NRXN1: variants seen among roughly 807,000 people sequenced by gnomAD.
The protein encoded by NRXN1 is neurexin 1, also known as neurexin-1.
In NRXN1, 39 loss-of-function variants were observed where a neutral mutation model predicts 150.9. The ratio of observed to expected loss-of-function variants is 0.26; its 90% CI spans 0.20 to 0.34. The LOEUF (loss-of-function observed/expected upper bound fraction) is 0.34. Among genes scored for constraint, NRXN1 ranks in the 10% least tolerant of loss-of-function variants. NRXN1 has a pLI of 1.00. For synonymous variants in NRXN1, 924 were observed against 757.0 expected (o/e 1.22, Z -3.62); for missense variants, 1,815 against 1,949.9 (o/e 0.93, Z 1.30).
chr2:50,722,694 T>G (rs1386198153), intron 5 of NRXN1, among the ~76,000 whole-genome samples: 2 of 152,334 alleles, frequency 1.3e-5, no homozygotes, highest in South Asian at 2.1e-4. Flanking sequence ...CTTTTGTAAT[T>G]AGAAAAACAT....
At chr2:50,100,470 G>T (rs1700838799) in intron 18 of NRXN1, among the ~76,000 whole-genome samples, 1 of 152,040 alleles carries the variant, frequency 6.6e-6, no homozygotes, top group Non-Finnish European at 1.5e-5. Flanking sequence ...CTGGCTGCTG[G>T]ATCTTTGAAT....
chr2:50,098,613 G>A (rs1193043627), intron 18 of NRXN1, among the ~76,000 whole-genome samples: 1 of 152,088 alleles, frequency 6.6e-6, no homozygotes, highest in African/African-American at 2.4e-5. Context: ...AAAGGTAAGT[G>A]CCATTGTCTC....
chr2:50,700,467 T>C (rs991105683), intron 5 of NRXN1, among the ~76,000 whole-genome samples: 1 of 152,160 alleles, frequency 6.6e-6, no homozygotes, highest in African/African-American at 2.4e-5. Context: ...ATTTTAAAAA[T>C]AAGATAAAAG....
intron 18 of NRXN1, among the ~76,000 whole-genome samples, chr2:50,186,851 G>A (rs1027807732): frequency 6.6e-6 from 1 of 151,846 alleles, no homozygotes; most frequent in Non-Finnish European, 1.5e-5. Flanking sequence ...ATTTCAAAAT[G>A]ACTCAACCCA....
chr2:50,776,060 T>A (rs572227518), intron 5 of NRXN1, among the ~76,000 whole-genome samples: 1 of 152,250 alleles, frequency 6.6e-6, no homozygotes, highest in East Asian at 1.9e-4. Flanking sequence ...TTTAAAATCA[T>A]TCTATGAACA....
At chr2:50,115,240 T>TATATATATATATATATATATAC (rs1270800103) in intron 18 of NRXN1, among the ~76,000 whole-genome samples, 19 of 133,974 alleles carry the variant, frequency 1.4e-4, no homozygotes, top group African/African-American at 5.1e-4. Context: ...TATATATATA[T>TATATATATATATATATATATAC]ACACACACAC....
At chr2:50,301,630 C>G (rs1324059725) in intron 17 of NRXN1, among the ~76,000 whole-genome samples, 2 of 151,986 alleles carry the variant, frequency 1.3e-5, no homozygotes, top group African/African-American at 4.8e-5. Context: ...TACTCTGTAC[C>G]CTGCAACCTT....
intron 17 of NRXN1, among the ~76,000 whole-genome samples, chr2:50,402,652 G>A (rs10210298): frequency 0.14 from 21,720 of 151,948 alleles, 2,424 homozygotes; most frequent in East Asian, 0.37. Flanking sequence ...AAAGGAATGT[G>A]TGCATATTGT....
intron 17 of NRXN1, among the ~76,000 whole-genome samples, chr2:50,460,293 T>C (rs1573062352): frequency 6.6e-6 from 1 of 152,102 alleles, no homozygotes; most frequent in African/African-American, 2.4e-5. Context: ...GGAAAATCCA[T>C]AGGTGAAGAA....
At position 50,329,655 on chromosome 2, in the gene NRXN1, ATATATATATATATATATATTTT is replaced by A. The variant is rs1306866776; in HGVS notation, c.3365-92707_3365-92686del. ...TATATATATATATATATATATATAT[ATATATATATATATATATATTTT>A]TTTTTTTCCCCCCCGAGACGGAGTC... On this transcript the variant is annotated intron_variant, in intron 17 of 22. Coordinates refer to ENST00000401669, the MANE Select transcript of NRXN1 (RefSeq NM_001330078.2). 2.1e-3 allele frequency among the ~76,000 whole-genome samples: 27 copies of A among 13,046 alleles called. 2 individuals are homozygous for A. The highest frequency in any genetic ancestry group is 3.4e-3 in the African/African-American group (8 of 2,362). The allele number at this position is 13,046 out of a possible 152,430, so 8.6% of individuals were successfully genotyped here. A position where few individuals can be genotyped will look rare whatever the true frequency, so the allele number is the denominator to read the frequency against.
chr2:50,544,229 A>G (rs1025023548), intron 9 of NRXN1, among the ~76,000 whole-genome samples: 15 of 151,676 alleles, frequency 9.9e-5, no homozygotes, highest in African/African-American at 3.4e-4. Context: ...TATGCACAAC[A>G]TAAGTAATAA....
chr2:50,728,299 ATAAGT>A (rs1236974774), intron 5 of NRXN1, among the ~76,000 whole-genome samples: 1 of 152,124 alleles, frequency 6.6e-6, no homozygotes, highest in Non-Finnish European at 1.5e-5. Context: ...ACTTATCCTA[ATAAGT>A]TAACTTATAA....
chr2:50,265,561 C>A (rs924302061), intron 17 of NRXN1, among the ~76,000 whole-genome samples: 3 of 152,088 alleles, frequency 2.0e-5, no homozygotes, highest in African/African-American at 7.2e-5. Context: ...GGACAGAATG[C>A]CCAAGACTGT....
intron 22 of NRXN1, among the ~76,000 whole-genome samples, chr2:49,930,196 G>A (rs1669873134): frequency 6.6e-6 from 1 of 152,124 alleles, no homozygotes; most frequent in African/African-American, 2.4e-5. Context: ...AGGTGGACAT[G>A]AAATTTATCA....
At chr2:50,433,071 C>T (rs1034790220) in intron 17 of NRXN1, among the ~76,000 whole-genome samples, 1 of 152,224 alleles carries the variant, frequency 6.6e-6, no homozygotes, top group African/African-American at 2.4e-5. Flanking sequence ...AAACACCCTT[C>T]ATTGCCAGAA....
rs573336571 is a variant in NRXN1 at position 50,053,496 on chromosome 2, G to A, written c.3903C>T (p.Tyr1301=). 1.2e-6 allele frequency: 2 copies of A among 1,614,090 alleles called. No homozygotes were observed. The highest frequency in any genetic ancestry group is 1.1e-5 in the South Asian group (1 of 91,082). The change falls in exon 21 of 23, where the codon TAC becomes TAT. Residue 1301 remains tyrosine, a synonymous_variant. Transcript: ENST00000401669. ...QPFQGQLSGL[Y]YNGLKVLNMA... ...TATTCAGAACTTTCAAGCCATTGTA[G>A]TACAGCCCAGAGAGCTGGCCCTGGA...
At chr2:50,681,745 C>A (rs182733341) in intron 5 of NRXN1, among the ~76,000 whole-genome samples, 40 of 152,262 alleles carry the variant, frequency 2.6e-4, no homozygotes, top group Admixed American at 2.6e-3. Context: ...AATAAATATA[C>A]TGGGCAGCCA....
chr2:50,250,439 T>A (rs1440340508), intron 17 of NRXN1, among the ~76,000 whole-genome samples: 5 of 151,446 alleles, frequency 3.3e-5, no homozygotes, highest in Non-Finnish European at 5.9e-5. Context: ...TTTAATATTT[T>A]TTTTTTTTAG....
At chr2:49,963,946 C>G (rs185459660) in intron 21 of NRXN1, among the ~76,000 whole-genome samples, 1 of 152,288 alleles carries the variant, frequency 6.6e-6, no homozygotes, top group Non-Finnish European at 1.5e-5. Context: ...CAGGCCCGTA[C>G]TTCATGTGTC....
Sources: gnomAD v4.1 joint callset for allele counts (sites outside exome capture counted in the v4.1 genomes callset) on GRCh38, gnomAD v4.1.1 for gene constraint, MANE v1.5 for transcripts, NCBI Gene and HGNC (gene_info 2026-07-23, HGNC 2026-07-21) for gene names.